RNF8: variants seen among roughly 807,000 people sequenced by gnomAD.
RNF8 encodes the protein ring finger protein 8, also known as E3 ubiquitin-protein ligase RNF8.
In RNF8, 8 loss-of-function variants were observed where a neutral mutation model predicts 59.3. That is an observed-to-expected ratio of 0.13 (90% CI 0.08 to 0.24). RNF8 has a LOEUF of 0.24. RNF8 is among the 10% of genes least tolerant of loss of function. The pLI is 1.00. For synonymous variants in RNF8, 162 were observed against 200.0 expected (o/e 0.81, Z 1.60); for missense variants, 406 against 572.6 (o/e 0.71, Z 2.97).
chr6:37,376,130 C>G (rs1216641724), intron 5 of RNF8, among the ~76,000 whole-genome samples: 1 of 152,234 alleles, frequency 6.6e-6, no homozygotes, highest in Non-Finnish European at 1.5e-5. Flanking sequence ...AGTTTCCTGC[C>G]TCTGGACTAT....
At chr6:37,354,422 T>TGGATTCCTGGGGAGAGA (rs1301821723) in intron 1 of RNF8, 147 bp downstream of exon 1, 1 of 510,882 alleles carries the variant, frequency 2.0e-6, no homozygotes, top group Non-Finnish European at 3.2e-6. Context: ...GTGGGGGGGG[T>TGGATTCCTGGGGAGAGA]GGATTCCTGG....
At chr6:37,382,185 TAGAA>T (rs1770297165) in intron 7 of RNF8, among the ~76,000 whole-genome samples, 1 of 152,120 alleles carries the variant, frequency 6.6e-6, no homozygotes, top group Non-Finnish European at 1.5e-5. Flanking sequence ...GCGGAGGAGA[TAGAA>T]AGGCAAGTAG....
rs1000143274 is a variant in RNF8 at position 37,393,864 on chromosome 6, C to T, written c.*3106C>T. 1.3e-5 allele frequency: 2 copies of T among 152,248 alleles called. No homozygotes were observed. Among genetic ancestry groups the T allele is most frequent in the African/African-American group, 2.4e-5 (1 of 41,448 alleles). The allele number at this position is 152,248 out of a possible 1,614,324, so 9.4% of individuals were successfully genotyped here. On this transcript the variant is annotated 3_prime_UTR_variant, in exon 8 of 8. Transcript: ENST00000373479. ...AGTTCTCTCACTACTTTTTCCTCCT[C>T]TGTGAGTGACCATCCAGGCAGTCAC...
chr6:37,362,495 G>A (rs987824402), intron 2 of RNF8, among the ~76,000 whole-genome samples: 1 of 99,510 alleles, frequency 1.0e-5, no homozygotes, highest in Non-Finnish European at 2.1e-5. Context: ...TTTTAGCTGT[G>A]ATTGTTTGTG....
Position 37,354,292 on chromosome 6 carries a change from C to T in RNF8, c.111+17C>T, listed in dbSNP as rs1252311470. 1.9e-6 allele frequency: 3 copies of T among 1,540,626 alleles called. No homozygotes were observed. The highest frequency in any genetic ancestry group is 2.2e-4 in the Middle Eastern group (1 of 4,576). On this transcript the variant is annotated intron_variant, in intron 1 of 7. Transcript: ENST00000373479. ...GGGTGCGAGGTACGGGGGAAGGGGT[C>T]CTGTGGAGCGGAGGGCAGGGGCTGG...
chr6:37,385,623 CAAAA>C (rs1023928044), intron 7 of RNF8, among the ~76,000 whole-genome samples: 26 of 150,996 alleles, frequency 1.7e-4, no homozygotes, highest in Middle Eastern at 3.4e-3. Context: ...GACTTCGTCT[CAAAA>C]AAACGAAAAA....
Position 37,354,039 on chromosome 6 carries a change from T to G in RNF8, c.-126T>G. 2.4e-6 allele frequency: 2 copies of G among 822,426 alleles called. No homozygotes were observed. The highest frequency in any genetic ancestry group is 1.7e-5 in the African/African-American group (1 of 58,212). The allele number at this position is 822,426 out of a possible 1,614,324, so 50.9% of individuals were successfully genotyped here. On this transcript the variant is annotated 5_prime_UTR_variant, in exon 1 of 8. Coordinates refer to ENST00000373479, the MANE Select transcript of RNF8 (RefSeq NM_003958.4). ...CGAGCGGAGCCTGCTTTCGCAGCGA[T>G]CGCGAGCGTGTGGCGATTGCTTCTG... is the stretch of plus-strand genomic sequence containing the variant.
At chr6:37,365,801 A>AG (rs201425744) in intron 2 of RNF8, among the ~76,000 whole-genome samples, 14,129 of 152,214 alleles carry the variant, frequency 0.093, 2,075 homozygotes, top group African/African-American at 0.31. Flanking sequence ...CCTTGAACAG[A>AG]GCATGATTAT....
chr6:37,388,584 G>C (rs1356991221), intron 7 of RNF8, among the ~76,000 whole-genome samples: 2 of 152,168 alleles, frequency 1.3e-5, no homozygotes, highest in Non-Finnish European at 2.9e-5. Context: ...TAGTAGAAGA[G>C]GGGCCTGCAG....
intron 4 of RNF8, among the ~76,000 whole-genome samples, chr6:37,373,928 C>T (rs761268843): frequency 1.2e-4 from 19 of 152,148 alleles, no homozygotes; most frequent in Non-Finnish European, 1.9e-4. Context: ...ATAAGCTATA[C>T]TTAAGCATGA....
intron 3 of RNF8, among the ~76,000 whole-genome samples, chr6:37,370,738 C>G (rs1205469706): frequency 1.3e-5 from 2 of 148,320 alleles, no homozygotes; most frequent in African/African-American, 5.0e-5. Flanking sequence ...TTGCCTGGTA[C>G]TAGGGAATTC....
chr6:37,376,791 A>G (rs1298225814), intron 5 of RNF8, 135 bp from the exon 6 acceptor site: 5 of 638,330 alleles, frequency 7.8e-6, no homozygotes, highest in East Asian at 2.7e-5. Context: ...AAAGTGTTCT[A>G]TTCTTAATGT....
At chr6:37,357,686 C>G (rs1400068121) in intron 1 of RNF8, among the ~76,000 whole-genome samples, 1 of 152,158 alleles carries the variant, frequency 6.6e-6, no homozygotes, top group African/African-American at 2.4e-5. Context: ...GGAGTGATCA[C>G]CACAACATTT....
At chr6:37,382,043 T>C (rs1038641334) in intron 7 of RNF8, among the ~76,000 whole-genome samples, 1 of 152,192 alleles carries the variant, frequency 6.6e-6, no homozygotes, top group Non-Finnish European at 1.5e-5. Flanking sequence ...AGCTACTTGA[T>C]CTGACAGAAT....
intron 2 of RNF8, among the ~76,000 whole-genome samples, chr6:37,367,864 A>G (rs1000932221): frequency 6.6e-6 from 1 of 152,160 alleles, no homozygotes; most frequent in African/African-American, 2.4e-5. Context: ...TAAATTGCCA[A>G]ATGCTATGCA....
Position 37,381,197 on chromosome 6 carries a change from T to A in RNF8, c.1284T>A (p.Asn428Lys), listed in dbSNP as rs770091452. ...ACAGTTTCTGCTCCTACTGTATCAA[T>A]GAATGGATGAAGCGGAAGATAGAAT... is the stretch of plus-strand genomic sequence containing the variant. ...CAHSFCSYCINEWMKRKIECP... is the reference protein window; with the variant it reads ...CAHSFCSYCIKEWMKRKIECP... The change falls in exon 7 of 8, where the codon AAT becomes AAA. Residue 428 changes from asparagine (N) to lysine (K), a missense_variant. Coordinates refer to ENST00000373479, the MANE Select transcript of RNF8 (RefSeq NM_003958.4). 6.2e-7 allele frequency: 1 copy of A among 1,614,082 alleles called. No homozygotes were observed. Among genetic ancestry groups the A allele is most frequent in the Non-Finnish European group, 8.5e-7 (1 of 1,180,054 alleles).
chr6:37,389,698 C>T (rs574919129), intron 7 of RNF8, among the ~76,000 whole-genome samples: 2 of 150,516 alleles, frequency 1.3e-5, no homozygotes, highest in Admixed American at 6.6e-5. Flanking sequence ...AGAAGAGTAT[C>T]GTGGGGGGGT....
At chr6:37,372,195 A>G (rs1470583488) in intron 4 of RNF8, among the ~76,000 whole-genome samples, 1 of 152,116 alleles carries the variant, frequency 6.6e-6, no homozygotes, top group Non-Finnish European at 1.5e-5. Flanking sequence ...TCTACCTTTT[A>G]TGTATTATGA....
rs1388046109 is a variant in RNF8 at position 37,360,965 on chromosome 6, G to C, written c.240+391G>C. ...TGGACAAGGGGAGGAGGGAGAAACTGATCTGATTGCGCTTAGCTCCTTTCC... is the reference window on the plus strand; with the variant it reads ...TGGACAAGGGGAGGAGGGAGAAACTCATCTGATTGCGCTTAGCTCCTTTCC... On this transcript the variant is annotated intron_variant, in intron 2 of 7. Transcript: ENST00000373479. This position sits in a 1 kb window ranked among gnomAD's most constrained non-coding sequence, Gnocchi z 4.2. 6.6e-6 allele frequency among the ~76,000 whole-genome samples: 1 copy of C among 152,144 alleles called. No individual in the cohort carries two copies. The highest frequency in any genetic ancestry group is 1.9e-4 in the East Asian group (1 of 5,196).
Sources: gnomAD v4.1 joint callset for allele counts (sites outside exome capture counted in the v4.1 genomes callset) on GRCh38, gnomAD v4.1.1 for gene constraint, Gnocchi (gnomAD v3.1) non-coding constraint, MANE v1.5 for transcripts, NCBI Gene and HGNC (gene_info 2026-07-23, HGNC 2026-07-21) for gene names.